STARD13: variants seen among roughly 807,000 people sequenced by gnomAD.
The protein encoded by STARD13 is stAR-related lipid transfer protein 13.
Under a neutral mutation model 106.4 loss-of-function variants are expected in STARD13, and 62 were observed. That is an observed-to-expected ratio of 0.58 (90% confidence interval 0.48 to 0.72). STARD13 has a LOEUF of 0.72. Among genes scored for constraint, STARD13 ranks in the 30% least tolerant of loss-of-function variants. The probability of loss-of-function intolerance (pLI) is 0.00; values close to 1 mark genes in which losing one functional copy is unlikely to be tolerated. For synonymous variants in STARD13, 565 were observed against 553.0 expected, an observed-to-expected ratio of 1.02 and a Z score of -0.31; for missense variants, 1,387 against 1,424.0, an observed-to-expected ratio of 0.97 and a Z score of 0.42.
intron 9 of STARD13, among the ~76,000 whole-genome samples, chr13:33,112,350 A>T (rs1454765695): frequency 6.6e-6 from 1 of 152,230 alleles, no homozygotes; most frequent in East Asian, 1.9e-4. Context: ...AGGGTGTCTC[A>T]CAAGATTTTC....
the STARD13 span, among the ~76,000 whole-genome samples, chr13:33,480,749 T>C: frequency 6.6e-6 from 1 of 152,126 alleles, no homozygotes; most frequent in Non-Finnish European, 1.5e-5. Context: ...CAATGACTAG[T>C]GTAGTAGCAA....
intron 1 of STARD13, among the ~76,000 whole-genome samples, chr13:33,306,477 G>C (rs1892910099): frequency 6.6e-6 from 1 of 152,076 alleles, no homozygotes; most frequent in African/African-American, 2.4e-5. Context: ...ATTAACAAAT[G>C]GTATCTAATT....
chr13:33,272,419 T>C (rs564201205), intron 1 of STARD13: 2 of 152,334 alleles, frequency 1.3e-5, no homozygotes, highest in Non-Finnish European at 2.9e-5. Context: ...GTTACTACTT[T>C]TTAAAATGTA....
the STARD13 span, among the ~76,000 whole-genome samples, chr13:33,653,859 AT>A: frequency 1.3e-5 from 2 of 152,232 alleles, no homozygotes. Flanking sequence ...AATTTAAAAA[AT>A]GGGCAAATGA....
At chr13:33,442,124 C>T in the STARD13 span, among the ~76,000 whole-genome samples, 1 of 152,158 alleles carries the variant, frequency 6.6e-6, no homozygotes, top group Non-Finnish European at 1.5e-5. Context: ...CATAATAAAA[C>T]ATTAAGCATT....
At chr13:33,200,997 G>A (rs1162873785) in intron 1 of STARD13, among the ~76,000 whole-genome samples, 2 of 151,946 alleles carry the variant, frequency 1.3e-5, no homozygotes, top group Non-Finnish European at 2.9e-5. Flanking sequence ...CTGCACTCCA[G>A]CCTGGGTGAC....
chr13:33,178,675 T>C (rs372139066), intron 1 of STARD13, among the ~76,000 whole-genome samples: 5 of 152,340 alleles, frequency 3.3e-5, no homozygotes, highest in African/African-American at 1.2e-4. Context: ...ATGTCTTAGG[T>C]ATCTGGAAAG....
intron 1 of STARD13, among the ~76,000 whole-genome samples, chr13:33,299,097 A>G (rs1427169814): frequency 6.6e-6 from 1 of 152,238 alleles, no homozygotes; most frequent in Non-Finnish European, 1.5e-5. Context: ...TTGTGTTACA[A>G]TTGCCTGCAG....
the STARD13 span, among the ~76,000 whole-genome samples, chr13:33,434,893 A>AGAAGGAAGGAAG: frequency 4.0e-3 from 519 of 130,620 alleles, 4 homozygotes; most frequent in African/African-American, 6.8e-3. Context: ...AGGGAAGGAA[A>AGAAGGAAGGAAG]GAAGGAAGGA....
chr13:33,390,330 C>G, the STARD13 span, among the ~76,000 whole-genome samples: 1 of 152,094 alleles, frequency 6.6e-6, no homozygotes, highest in Non-Finnish European at 1.5e-5. Context: ...TGACATGGGT[C>G]AATTGCCTTA....
At chr13:33,274,291 A>G (rs1477201600) in intron 1 of STARD13, among the ~76,000 whole-genome samples, 1 of 152,146 alleles carries the variant, frequency 6.6e-6, no homozygotes, top group Admixed American at 6.5e-5. Flanking sequence ...CCAATCCAAT[A>G]CGACTGGTGT....
At chr13:33,451,485 G>A in the STARD13 span, among the ~76,000 whole-genome samples, 1 of 152,074 alleles carries the variant, frequency 6.6e-6, no homozygotes, top group Admixed American at 6.5e-5. Context: ...TGTCTTGGAT[G>A]GTTTTCAGGT....
At chr13:33,252,315 G>A (rs764198471) in intron 1 of STARD13, among the ~76,000 whole-genome samples, 7 of 152,198 alleles carry the variant, frequency 4.6e-5, no homozygotes, top group Non-Finnish European at 1.0e-4. Context: ...TGGCCCAAGG[G>A]CCTCAAGAGG....
At chr13:33,609,560 T>A in the STARD13 span, among the ~76,000 whole-genome samples, 1 of 149,478 alleles carries the variant, frequency 6.7e-6, no homozygotes, top group Non-Finnish European at 1.5e-5. Context: ...ACTTCTAATT[T>A]CTTTCTTTCT....
chr13:33,317,039 G>A (rs1469470752), intron 1 of STARD13, among the ~76,000 whole-genome samples: 2 of 152,208 alleles, frequency 1.3e-5, no homozygotes, highest in African/African-American at 4.8e-5. Context: ...AGTCTCCTTT[G>A]AGACATTCTT....
chr13:33,291,136 G>A (rs1351775759), intron 1 of STARD13, among the ~76,000 whole-genome samples: 1 of 152,154 alleles, frequency 6.6e-6, no homozygotes, highest in Non-Finnish European at 1.5e-5. Context: ...TTCTCTACCT[G>A]CATATACAGA....
chr13:33,431,985 C>A, the STARD13 span, among the ~76,000 whole-genome samples: 1 of 152,112 alleles, frequency 6.6e-6, no homozygotes, highest in Non-Finnish European at 1.5e-5. Context: ...GCCTCTGATC[C>A]GGCCCGGTGA....
At chr13:33,268,404 T>C (rs1891006601) in intron 1 of STARD13, among the ~76,000 whole-genome samples, 1 of 152,220 alleles carries the variant, frequency 6.6e-6, no homozygotes, top group Non-Finnish European at 1.5e-5. Flanking sequence ...ACTGGCCGTG[T>C]TGCTGATGGT....
rs1333489615 is a variant in STARD13 at position 33,280,637 on chromosome 13, C to T, written c.169+4833G>A. ...TTATACTGACATTTAAATAGTTCAA[C>T]AGACTGGACTTCCTAACATTCCTAT... On this transcript the variant is annotated intron_variant, in intron 1 of 13. Coordinates refer to ENST00000336934, the MANE Select transcript of STARD13 (RefSeq NM_178006.4). 3.9e-5 allele frequency: 6 copies of T among 152,134 alleles called. No homozygotes were observed. The East Asian group carries it at 1.2e-3, about 29-fold the overall frequency. 9.4% of individuals were successfully genotyped at this position (152,134 alleles called of 1,614,324 possible).
Sources: allele counts gnomAD v4.1 joint callset (sites outside exome capture counted in the v4.1 genomes callset), GRCh38; gene constraint gnomAD v4.1.1; transcripts MANE v1.5; gene names NCBI Gene and HGNC (gene_info 2026-07-23, HGNC 2026-07-21).